Variants in MTA1 observed in about 807,000 individuals in gnomAD.
The protein encoded by MTA1 is metastasis associated 1, also known as metastasis-associated protein MTA1.
Under a neutral mutation model 97.0 loss-of-function variants are expected in MTA1, and 15 were observed. That is an observed-to-expected ratio of 0.15 (90% CI 0.10 to 0.24). The LOEUF (loss-of-function observed/expected upper bound fraction) is 0.24, where lower values mean the gene tolerates loss of function less well. Ranked by LOEUF, MTA1 falls within the 10% of genes least tolerant of loss-of-function variation. The pLI, the probability that MTA1 is intolerant of heterozygous loss-of-function variation, is 1.00. For missense variants in MTA1, 709 were observed against 1,015.1 expected, an observed-to-expected ratio of 0.70 and a Z score of 4.10; for synonymous variants, 435 against 417.5, an observed-to-expected ratio of 1.04 and a Z score of -0.51.
intron 8 of MTA1, 57 bp from the exon 9 acceptor site, chr14:105,460,301 G>A (rs2141651718): frequency 1.3e-6 from 2 of 1,498,308 alleles, no homozygotes; most frequent in East Asian, 4.7e-5. Flanking sequence ...GGAGCGGTGT[G>A]CCTGTGGGGA....
At chr14:105,461,802 G>T (rs980103790) in intron 10 of MTA1, among the ~76,000 whole-genome samples, 3 of 152,192 alleles carry the variant, frequency 2.0e-5, no homozygotes, top group African/African-American at 7.2e-5. Flanking sequence ...AGCTTTGTGT[G>T]GGGGCCTCTG....
chr14:105,466,427 G>GTGCCC lies in MTA1; in HGVS notation c.1626_1627insTGCCC (p.Thr543CysfsTer13). The GTGCCC allele has an allele frequency of 6.3e-7, 1 of 1,592,102 alleles. No homozygotes were observed. The highest frequency in any genetic ancestry group is 8.6e-7 in the Non-Finnish European group (1 of 1,165,316). On this transcript the variant is annotated frameshift_variant and splice_region_variant, in exon 17 of 21. Transcript: ENST00000331320. LOFTEE classifies it high-confidence loss of function. ...TTCTGCCTGTGTCATTCCCGGCAGA[G>GTGCCC]ACCCACCCCCGCCCCCCCAAGCCTG...
chr14:105,469,348 T>G, intron 18 of MTA1, 119 bp from the exon 19 acceptor site: 1 of 1,146,666 alleles, frequency 8.7e-7, no homozygotes, highest in Non-Finnish European at 1.3e-6. Flanking sequence ...GTGTGGGCTG[T>G]GGCTTGGTTG....
chr14:105,428,015 CAAA>C (rs11421824), intron 1 of MTA1, among the ~76,000 whole-genome samples: 1 of 109,856 alleles, frequency 9.1e-6, no homozygotes, highest in African/African-American at 3.9e-5. Context: ...GAGACTCTCT[CAAA>C]AAAAAAAAAA....
In MTA1 at chr14:105,464,775, C is replaced by A; in HGVS notation, c.1446C>A (p.Ala482=). 1 of 1,608,644 alleles carries A rather than the reference C, an allele frequency of 6.2e-7. No homozygotes were observed. Among genetic ancestry groups the A allele is most frequent in the Non-Finnish European group, 8.5e-7 (1 of 1,176,786 alleles). ...YLHTTKLTRI[A]RRLCREILRP... Reference sequence around the variant, plus strand: ...ACACGACGAAGCTGACGCGGATCGCCCGGCGCCTGTGCCGTGAGATCCTGC... The same window carrying A: ...ACACGACGAAGCTGACGCGGATCGCACGGCGCCTGTGCCGTGAGATCCTGC... The change falls in exon 15 of 21, where the codon GCC becomes GCA. Residue 482 remains alanine (A), a synonymous_variant. Transcript: ENST00000331320.
In MTA1 at chr14:105,422,316, G is replaced by C. The variant is rs2081867916; in HGVS notation, c.28+2253G>C. Among the ~76,000 whole-genome samples, 3 of 152,144 alleles carry C rather than the reference G, an allele frequency of 2.0e-5. No individual in the cohort carries two copies. Among genetic ancestry groups the C allele is most frequent in the Admixed American group, 6.5e-5 (1 of 15,280 alleles). On this transcript the variant is annotated intron_variant, in intron 1 of 20. Transcript: ENST00000331320. The surrounding 1 kb of genome is among the most constrained non-coding windows in gnomAD (Gnocchi z 4.3). ...GCATTGCAGGTTGGCTTCCTGTCTT[G>C]GTGCTCGCTCGGGGAGGTGGGCGTC...
In MTA1 at chr14:105,460,177, T is replaced by C. The variant is rs112407315; in HGVS notation, c.654-181T>C. On this transcript the variant is annotated intron_variant, in intron 8 of 20. Transcript: ENST00000331320. ...CCCCTGGTCCCTGGCACCTGGGGAGTGGTGTGCCTGGGGGAAGTCCGTGCT... is the reference window on the plus strand; with the variant it reads ...CCCCTGGTCCCTGGCACCTGGGGAGCGGTGTGCCTGGGGGAAGTCCGTGCT... Among the ~76,000 whole-genome samples the C allele has an allele frequency of 1.0e-2, 529 of 53,106 alleles. 4 individuals carry two copies. Among genetic ancestry groups the C allele is most frequent in the Non-Finnish European group, 0.014 (374 of 26,606 alleles). 34.8% of individuals were successfully genotyped at this position (53,106 alleles called of 152,430 possible).
At chr14:105,438,556 C>A in intron 1 of MTA1, 116 bp from the exon 2 acceptor site, 1 of 853,962 alleles carries the variant, frequency 1.2e-6, no homozygotes, top group Non-Finnish European at 2.0e-6. Flanking sequence ...CCTGAGGGAG[C>A]AGAGGTGAGG....
In MTA1 at chr14:105,468,787, C is replaced by T. The variant is rs587730926; in HGVS notation, c.1814-680C>T. ...ACATGCACACGCCCACACCTACACA[C>T]AGGGCAGTGGGGAAGGGCAGTGAGT... is the stretch of plus-strand genomic sequence containing the variant. On this transcript the variant is annotated intron_variant, in intron 18 of 20. Transcript: ENST00000331320. Among the ~76,000 whole-genome samples, 9 of 152,358 alleles carry T rather than the reference C, an allele frequency of 5.9e-5. 1 individual carries two copies. In the South Asian group the frequency reaches 1.9e-3, roughly 32 times the overall value.
Position 105,466,421 on chromosome 14 carries a change from G to T in MTA1, c.1625-5G>T. 1 of 1,599,978 alleles carries T rather than the reference G, an allele frequency of 6.3e-7. No individual in the cohort carries two copies. Among genetic ancestry groups the T allele is most frequent in the East Asian group, 2.2e-5 (1 of 44,448 alleles). ...AACTCGTTCTGCCTGTGTCATTCCC[G>T]GCAGAGACCCACCCCCGCCCCCCCA... On this transcript the variant is annotated splice_polypyrimidine_tract_variant and splice_region_variant and intron_variant, in intron 16 of 20. Coordinates refer to ENST00000331320, the MANE Select transcript of MTA1 (RefSeq NM_004689.4).
At position 105,463,619 on chromosome 14, in the gene MTA1, G is replaced by A. The variant is rs1260169361; in HGVS notation, c.1076+68G>A. ...CCAGGGAGGGTGGGCACAGGGTGCT[G>A]GGGCCAGGCGGGTCCCAAGGAAACT... On this transcript the variant is annotated intron_variant, in intron 12 of 20. Coordinates refer to ENST00000331320, the MANE Select transcript of MTA1 (RefSeq NM_004689.4). The surrounding 1 kb of genome is among the most constrained non-coding windows in gnomAD (Gnocchi z 5.9). 5 of 1,471,880 alleles carry A rather than the reference G, an allele frequency of 3.4e-6. No individual in the cohort carries two copies. The highest frequency in any genetic ancestry group is 2.8e-5 in the African/African-American group (2 of 71,490). 91.2% of individuals were successfully genotyped at this position (1,471,880 alleles called of 1,614,324 possible). A position where few individuals can be genotyped will look rare whatever the true frequency, so the allele number is the denominator to read the frequency against.
chr14:105,437,088 TC>T (rs1555424531), intron 1 of MTA1, among the ~76,000 whole-genome samples: 1 of 152,234 alleles, frequency 6.6e-6, no homozygotes, highest in South Asian at 2.1e-4. Flanking sequence ...CCTGTGGAGC[TC>T]TATGTGGGCG....
chr14:105,426,438 T>C (rs2082017495), intron 1 of MTA1, among the ~76,000 whole-genome samples: 1 of 146,228 alleles, frequency 6.8e-6, no homozygotes, highest in Non-Finnish European at 1.5e-5. Flanking sequence ...TGGAGTCAGG[T>C]ATGGGGCACA....
intron 20 of MTA1, 29 bp from the exon 21 acceptor site, chr14:105,470,036 C>G (rs200163001): frequency 1.2e-6 from 2 of 1,612,594 alleles, no homozygotes; most frequent in Non-Finnish European, 1.7e-6. Context: ...GCACAGCGTC[C>G]CGGCCCTCAC....
chr14:105,438,839 C>A, intron 2 of MTA1, 100 bp downstream of exon 2: 1 of 1,260,688 alleles, frequency 7.9e-7, no homozygotes, highest in Non-Finnish European at 1.1e-6. Context: ...CCTTTCGGGG[C>A]TGATCTTGGA....
chr14:105,452,001 G>C (rs183551212), intron 6 of MTA1, among the ~76,000 whole-genome samples: 1 of 151,906 alleles, frequency 6.6e-6, no homozygotes, highest in Non-Finnish European at 1.5e-5. Context: ...CATGTTAGCC[G>C]GGCTGGTCTC....
chr14:105,450,001 C>A, intron 4 of MTA1, 57 bp from the exon 5 acceptor site: 1 of 1,608,710 alleles, frequency 6.2e-7, no homozygotes, highest in Non-Finnish European at 8.5e-7. Flanking sequence ...GTGGGGTGGG[C>A]CTTGGTCTGG....
rs1351567957 is a variant in MTA1 at position 105,463,525 on chromosome 14, G to A, written c.1050G>A (p.Lys350=). ...KRLKAAEAES[K]LKQVYIPNYN... The stretch of plus-strand genomic sequence containing the variant: ...TGAAAGCAGCTGAAGCTGAGAGCAA[G>A]TTAAAGCAAGTTTATATTCCCAACT... The change falls in exon 12 of 21, where the codon AAG becomes AAA. Residue 350 remains lysine, a synonymous_variant. Coordinates refer to ENST00000331320, the MANE Select transcript of MTA1 (RefSeq NM_004689.4). This position sits in a 1 kb window ranked among gnomAD's most constrained non-coding sequence, Gnocchi z 5.9. The A allele has an allele frequency of 8.7e-6, 14 of 1,612,958 alleles. No individual in the cohort carries two copies. Among genetic ancestry groups the A allele is most frequent in the Non-Finnish European group, 1.1e-5 (13 of 1,179,976 alleles).
chr14:105,444,079 C>A (rs1311376790), intron 2 of MTA1, among the ~76,000 whole-genome samples: 3 of 145,264 alleles, frequency 2.1e-5, no homozygotes, highest in African/African-American at 7.8e-5. Flanking sequence ...CAGAGTGAGA[C>A]TCCATCTAAA....
Sources: allele counts gnomAD v4.1 joint callset (sites outside exome capture counted in the v4.1 genomes callset), GRCh38; gene constraint gnomAD v4.1.1; non-coding constraint Gnocchi (gnomAD v3.1); transcripts MANE v1.5; gene names NCBI Gene and HGNC (gene_info 2026-07-23, HGNC 2026-07-21).